Variants in AK5 observed in about 807,000 individuals in gnomAD.
The protein encoded by AK5 is adenylate kinase 5.
AK5 carries 27 observed loss-of-function variants against 69.5 expected under a neutral mutation model. The ratio of observed to expected loss-of-function variants is 0.39; its 90% confidence interval spans 0.29 to 0.54. The LOEUF is 0.54. Ranked by LOEUF, AK5 falls within the 20% of genes least tolerant of loss-of-function variation. AK5 has a pLI of 0.71. For synonymous variants in AK5, 260 were observed against 244.4 expected, an observed-to-expected ratio of 1.06 and a Z score of -0.60; for missense variants, 531 against 700.4, an observed-to-expected ratio of 0.76 and a Z score of 2.73.
chr1:77,317,337 A>C (rs1300155955), intron 5 of AK5, among the ~76,000 whole-genome samples: 1 of 152,166 alleles, frequency 6.6e-6, no homozygotes. Flanking sequence ...TTCAGGAGTC[A>C]TACAGTGTCG....
chr1:77,285,922 G>A lies in AK5; in HGVS notation c.61-1019G>A, dbSNP rs144066793. On this transcript the variant is annotated intron_variant, in intron 1 of 13. Transcript: ENST00000354567. ...GCCAGGGAAAGCATCAGTATCTGGG[G>A]ATTGAAAAATGAATTAGACTCACTC... 3.3e-5 allele frequency among the ~76,000 whole-genome samples: 5 copies of A among 152,140 alleles called. No individual in the cohort carries two copies. The East Asian group carries it at 9.7e-4, about 29-fold the overall frequency.
chr1:77,513,627 G>A (rs759201604), intron 10 of AK5, among the ~76,000 whole-genome samples: 16 of 152,212 alleles, frequency 1.1e-4, no homozygotes, highest in Non-Finnish European at 2.2e-4. Flanking sequence ...ATCACTTGAG[G>A]TCAGGAGTTC....
chr1:77,540,573 G>A (rs1261923495), intron 13 of AK5: 1 of 152,224 alleles, frequency 6.6e-6, no homozygotes, highest in African/African-American at 2.4e-5. Context: ...ATAAGTAACT[G>A]AAATGTAGCA....
chr1:77,435,541 A>G (rs1570120481), intron 8 of AK5, among the ~76,000 whole-genome samples: 1 of 151,684 alleles, frequency 6.6e-6, no homozygotes, highest in Non-Finnish European at 1.5e-5. Flanking sequence ...CCAGCTACTC[A>G]GGAGGCTGAG....
chr1:77,510,075 G>GA (rs1359516298), intron 10 of AK5, among the ~76,000 whole-genome samples: 2 of 152,342 alleles, frequency 1.3e-5, no homozygotes, highest in African/African-American at 4.8e-5. Flanking sequence ...TGTGAACCTG[G>GA]AACTCAAGCC....
rs926396960 is a variant in AK5, at chr1:77,340,286, C to T, written c.700-91C>T. ...CATAGAGGGCCAAATATATGGCAGC[C>T]TCCACAGAACAAAAGGAAATGAATG... is the stretch of plus-strand genomic sequence containing the variant. On this transcript the variant is annotated intron_variant, in intron 5 of 13. Coordinates refer to ENST00000354567, the MANE Select transcript of AK5 (RefSeq NM_174858.3). 40 of 1,281,000 alleles carry T rather than the reference C, an allele frequency of 3.1e-5. No homozygotes were observed. In the East Asian group the frequency reaches 4.9e-4, roughly 16 times the overall value. 79.4% of individuals were successfully genotyped at this position (1,281,000 alleles called of 1,614,324 possible).
chr1:77,322,431 T>A (rs1316857907), intron 5 of AK5, among the ~76,000 whole-genome samples: 1 of 152,176 alleles, frequency 6.6e-6, no homozygotes, highest in East Asian at 1.9e-4. Flanking sequence ...GGTTCCTCCC[T>A]CTGGGGGTTG....
At chr1:77,410,115 T>G (rs943840302) in intron 6 of AK5, among the ~76,000 whole-genome samples, 2 of 152,034 alleles carry the variant, frequency 1.3e-5, no homozygotes, top group African/African-American at 4.8e-5. Flanking sequence ...TAAATATAAC[T>G]ATGTCATTTT....
chr1:77,490,494 C>G (rs1248660408), intron 10 of AK5, among the ~76,000 whole-genome samples: 3 of 152,184 alleles, frequency 2.0e-5, no homozygotes, highest in Non-Finnish European at 4.4e-5. Context: ...CCGAAGAAAG[C>G]AGCTCAGTAG....
At chr1:77,391,202 ATGGAAACAGCCCCAGGGGTTGAG>A (rs1648400687) in intron 6 of AK5, among the ~76,000 whole-genome samples, 1 of 151,836 alleles carries the variant, frequency 6.6e-6, no homozygotes. Context: ...TAGGATGATT[ATGGAAACAGCCCCAGGGGTTGAG>A]TCCTGCTCCC....
At chr1:77,475,513 ATG>A (rs1654881445) in intron 8 of AK5, among the ~76,000 whole-genome samples, 1 of 101,734 alleles carries the variant, frequency 9.8e-6, no homozygotes, top group African/African-American at 3.8e-5. Flanking sequence ...TTATATATAT[ATG>A]TATATATATT....
At chr1:77,544,685 A>G (rs1470745745) in intron 13 of AK5, among the ~76,000 whole-genome samples, 6 of 152,126 alleles carry the variant, frequency 3.9e-5, no homozygotes, top group South Asian at 2.1e-4. Flanking sequence ...AGGGGCAGTA[A>G]CATGCATGGA....
chr1:77,463,306 T>G (rs758567497), intron 8 of AK5, among the ~76,000 whole-genome samples: 1 of 152,236 alleles, frequency 6.6e-6, no homozygotes, highest in Non-Finnish European at 1.5e-5. Context: ...CACATTGATT[T>G]AGAGCTTTAT....
At chr1:77,499,460 C>T (rs889971757) in intron 10 of AK5, among the ~76,000 whole-genome samples, 1 of 152,166 alleles carries the variant, frequency 6.6e-6, no homozygotes, top group Admixed American at 6.6e-5. Context: ...CGCGTTACTG[C>T]CACGCATCCA....
At chr1:77,315,618 A>G (rs1660204949) in intron 5 of AK5, among the ~76,000 whole-genome samples, 1 of 152,154 alleles carries the variant, frequency 6.6e-6, no homozygotes, top group African/African-American at 2.4e-5. Context: ...AACTGATTGG[A>G]TAGTGATACT....
rs1275772146 is a variant in AK5, at chr1:77,501,737, T to C, written c.1147+15385T>C. Among the ~76,000 whole-genome samples the C allele has an allele frequency of 3.3e-5, 5 of 152,312 alleles. No individual in the cohort carries two copies. The East Asian group carries it at 7.7e-4, about 23-fold the overall frequency. On this transcript the variant is annotated intron_variant, in intron 10 of 13. Coordinates refer to ENST00000354567, the MANE Select transcript of AK5 (RefSeq NM_174858.3). ...ATGTAAGGGTGGAAGGATGCAAATATAGAAAAAGGTTTACATTTAAAGTAG... is the reference window on the plus strand; with the variant it reads ...ATGTAAGGGTGGAAGGATGCAAATACAGAAAAAGGTTTACATTTAAAGTAG...
At chr1:77,423,167 G>A (rs564858657) in intron 8 of AK5, among the ~76,000 whole-genome samples, 4 of 138,516 alleles carry the variant, frequency 2.9e-5, no homozygotes, top group African/African-American at 8.2e-5. Context: ...CTTACAGTGG[G>A]CCAAGATAGC....
chr1:77,470,836 TA>T (rs1557615405), intron 8 of AK5, among the ~76,000 whole-genome samples: 3 of 1,154 alleles, frequency 2.6e-3, no homozygotes, highest in African/African-American at 3.2e-3. Context: ...AATATATATA[TA>T]TATATATATA....
At chr1:77,443,837 A>G (rs767436666) in intron 8 of AK5, among the ~76,000 whole-genome samples, 3 of 152,000 alleles carry the variant, frequency 2.0e-5, no homozygotes, top group Non-Finnish European at 2.9e-5. Flanking sequence ...AAGGTATACA[A>G]CATGATGTTA....
Sources: allele counts gnomAD v4.1 joint callset (sites outside exome capture counted in the v4.1 genomes callset), GRCh38; gene constraint gnomAD v4.1.1; transcripts MANE v1.5; gene names NCBI Gene and HGNC (gene_info 2026-07-23, HGNC 2026-07-21).